Variants in AXDND1 observed in about 807,000 individuals in gnomAD.
AXDND1 encodes the protein axonemal dynein light chain domain-containing protein 1.
AXDND1 carries 110 observed loss-of-function variants against 137.5 expected under a neutral mutation model. The ratio of observed to expected loss-of-function variants is 0.80; its 90% CI spans 0.69 to 0.94. AXDND1 has a LOEUF of 0.94. Among genes scored for constraint, AXDND1 ranks in the 40% least tolerant of loss-of-function variants. AXDND1 has a pLI of 0.00. For synonymous variants in AXDND1, 414 were observed against 399.7 expected (o/e 1.04, Z -0.43); for missense variants, 1,191 against 1,169.8 (o/e 1.02, Z -0.26).
intron 10 of AXDND1, among the ~76,000 whole-genome samples, 168 bp from the exon 11 acceptor site, chr1:179,394,930 A>G (rs972332875): frequency 5.3e-5 from 8 of 152,150 alleles, no homozygotes; most frequent in African/African-American, 1.9e-4. Context: ...GCAAGATTCC[A>G]TCTAGAATGT....
At chr1:179,414,477 T>G (rs1292558282) in intron 12 of AXDND1, among the ~76,000 whole-genome samples, 1 of 152,082 alleles carries the variant, frequency 6.6e-6, no homozygotes, top group Admixed American at 6.6e-5. Flanking sequence ...CATGCTGGAG[T>G]GCAGTGGCAT....
At chr1:179,432,582 C>T (rs568102310) in intron 15 of AXDND1, among the ~76,000 whole-genome samples, 4 of 152,246 alleles carry the variant, frequency 2.6e-5, no homozygotes, top group East Asian at 1.9e-4. Context: ...TGTGCCACCA[C>T]GCTTGGCTAA....
intron 20 of AXDND1, among the ~76,000 whole-genome samples, chr1:179,497,365 A>G (rs923338973): frequency 6.6e-6 from 1 of 152,132 alleles, no homozygotes; most frequent in Non-Finnish European, 1.5e-5. Flanking sequence ...GTGCAAATAC[A>G]TTTAGAGTGA....
At chr1:179,514,702 A>T (rs1275050196) in intron 21 of AXDND1, among the ~76,000 whole-genome samples, 1 of 151,998 alleles carries the variant, frequency 6.6e-6, no homozygotes, top group Non-Finnish European at 1.5e-5. Flanking sequence ...TGTCTATCTC[A>T]TTTCTTAGGT....
Position 179,503,439 on chromosome 1 carries a change from A to C in AXDND1, c.2389-5857A>C, listed in dbSNP as rs188086991. Among the ~76,000 whole-genome samples, 567 of 152,188 alleles carry C rather than the reference A, an allele frequency of 3.7e-3. 5 individuals are homozygous for C. The highest frequency in any genetic ancestry group is 0.013 in the African/African-American group (531 of 41,560). ...GTATCATTAATCCTTGAAGGAGAAA[A>C]TTGGCCAATTTTCAGTGAAAAATTG... On this transcript the variant is annotated intron_variant, in intron 20 of 25. Coordinates refer to ENST00000367618, the MANE Select transcript of AXDND1 (RefSeq NM_144696.6).
chr1:179,444,867 A>G (rs1422144753), intron 15 of AXDND1, 103 bp from the exon 16 acceptor site: 2 of 690,928 alleles, frequency 2.9e-6, no homozygotes, highest in Non-Finnish European at 4.9e-6. Flanking sequence ...AGGATATGCA[A>G]CTCCAAAATA....
intron 21 of AXDND1, among the ~76,000 whole-genome samples, chr1:179,518,334 C>T (rs1219243144): frequency 6.6e-6 from 1 of 151,036 alleles, no homozygotes; most frequent in Non-Finnish European, 1.5e-5. Context: ...ATTAGTGGGT[C>T]ATTACCACAA....
chr1:179,468,582 G>A lies in AXDND1; in HGVS notation c.1938G>A (p.Leu646=), dbSNP rs778943214. ...AAATTAATGAAATGAAATCACACTT[G>A]GATATATTGTTAAACCTTACTGGTA... ...DEKINEMKSH[L]DILLNLTGIV... Residue 646 remains leucine (L), a synonymous_variant, in exon 17 of 26, where the codon TTG becomes TTA. Transcript: ENST00000367618. The A allele has an allele frequency of 1.9e-6, 3 of 1,612,556 alleles. No individual in the cohort carries two copies. The highest frequency in any genetic ancestry group is 2.7e-5 in the African/African-American group (2 of 74,838).
intron 15 of AXDND1, among the ~76,000 whole-genome samples, chr1:179,443,452 G>C (rs1363530901): frequency 3.3e-5 from 5 of 151,964 alleles, no homozygotes; most frequent in Non-Finnish European, 7.4e-5. Flanking sequence ...CAGTTCAGTT[G>C]CCCTAAATAT....
chr1:179,550,888 T>G (rs2125761742), intron 25 of AXDND1: 1 of 449,292 alleles, frequency 2.2e-6, no homozygotes, highest in East Asian at 4.5e-5. Context: ...AAGTCAAAAT[T>G]TAACCACATC....
intron 9 of AXDND1, among the ~76,000 whole-genome samples, chr1:179,393,700 A>G (rs557020923): frequency 6.6e-6 from 1 of 151,890 alleles, no homozygotes; most frequent in South Asian, 2.1e-4. Flanking sequence ...TTGGTTAAGT[A>G]TATTCCTAAG....
At chr1:179,372,958 T>C (rs1446004387) in intron 4 of AXDND1, among the ~76,000 whole-genome samples, 9 of 152,188 alleles carry the variant, frequency 5.9e-5, no homozygotes, top group Non-Finnish European at 8.8e-5. Flanking sequence ...GCTGGGATTA[T>C]AGGCGTGAGC....
intron 17 of AXDND1, among the ~76,000 whole-genome samples, chr1:179,481,415 G>C (rs1445194508): frequency 6.6e-6 from 1 of 152,126 alleles, no homozygotes; most frequent in African/African-American, 2.4e-5. Context: ...CCAAGTCTTT[G>C]CTATTGTGAA....
intron 6 of AXDND1, among the ~76,000 whole-genome samples, chr1:179,381,343 ATTTT>A (rs34030931): frequency 9.4e-6 from 1 of 106,216 alleles, no homozygotes. Context: ...CACATGGCTG[ATTTT>A]TTTTTTTTTT....
rs961912389 is a variant in AXDND1, at chr1:179,486,996, A to G, written c.2091+3775A>G. On this transcript the variant is annotated intron_variant, in intron 18 of 25. Transcript: ENST00000367618. ...CTAACCTTGAACATAAATGGGCTAA[A>G]TGCCCCAATTAAAAGGCACAGAGTG... Among the ~76,000 whole-genome samples the G allele has an allele frequency of 7.4e-5, 11 of 148,696 alleles. 1 individual carries two copies. Among genetic ancestry groups the G allele is most frequent in the African/African-American group, 2.6e-4 (10 of 39,042 alleles).
At chr1:179,478,264 G>T (rs1360605531) in intron 17 of AXDND1, among the ~76,000 whole-genome samples, 2 of 152,176 alleles carry the variant, frequency 1.3e-5, no homozygotes, top group African/African-American at 2.4e-5. Context: ...CTGTGTGGGG[G>T]TGCCCACCTC....
chr1:179,408,946 A>C (rs1653405896), intron 11 of AXDND1, among the ~76,000 whole-genome samples: 1 of 142,250 alleles, frequency 7.0e-6, no homozygotes, highest in Admixed American at 7.4e-5. Context: ...TGACTCTTAA[A>C]GTGTGTTTTC....
chr1:179,390,762 T>C (rs1320322089), intron 9 of AXDND1, among the ~76,000 whole-genome samples: 1 of 148,642 alleles, frequency 6.7e-6, no homozygotes, highest in East Asian at 1.9e-4. Context: ...TTTTTTTTCT[T>C]TTTTAATGAA....
chr1:179,459,817 T>C (rs144528116), intron 16 of AXDND1, among the ~76,000 whole-genome samples: 3,098 of 111,992 alleles, frequency 0.028, 221 homozygotes, highest in East Asian at 0.088. Context: ...CCTTCCTTCC[T>C]TCTCTTTTTC....
Sources: gnomAD v4.1 joint callset for allele counts (sites outside exome capture counted in the v4.1 genomes callset) on GRCh38, gnomAD v4.1.1 for gene constraint, MANE v1.5 for transcripts, NCBI Gene and HGNC (gene_info 2026-07-23, HGNC 2026-07-21) for gene names.